The following RGS8 variants were observed in gnomAD, a reference collection of about 807,000 sequenced individuals.
RGS8 encodes regulator of G-protein signaling 8.
In RGS8, 8 loss-of-function variants were observed where a neutral mutation model predicts 21.7. That is an observed-to-expected ratio of 0.37 (90% confidence interval 0.22 to 0.66). The LOEUF is 0.66. Among genes scored for constraint, RGS8 ranks in the 30% least tolerant of loss-of-function variants. The pLI is 0.59. For synonymous variants in RGS8, 80 were observed against 83.6 expected (o/e 0.96, Z 0.24); for missense variants, 157 against 217.9 (o/e 0.72, Z 1.76).
upstream of RGS8, among the ~76,000 whole-genome samples, chr1:182,676,354 A>G (rs1361348240): frequency 6.6e-6 from 1 of 152,236 alleles, no homozygotes; most frequent in African/African-American, 2.4e-5. Flanking sequence ...TAAAACAGTC[A>G]TTTGGATATT....
At chr1:182,701,962 A>T in the RGS8 span, among the ~76,000 whole-genome samples, 1 of 152,228 alleles carries the variant, frequency 6.6e-6, no homozygotes, top group Non-Finnish European at 1.5e-5. Context: ...GCAGAGGAAA[A>T]AATAACACTT....
chr1:182,731,902 C>G, the RGS8 span, among the ~76,000 whole-genome samples: 66 of 152,304 alleles, frequency 4.3e-4, no homozygotes, highest in African/African-American at 1.5e-3. Context: ...AAGCAGATTG[C>G]TGAACAAAAG....
the RGS8 span, among the ~76,000 whole-genome samples, chr1:182,703,892 C>T: frequency 2.6e-5 from 4 of 152,200 alleles, no homozygotes; most frequent in Non-Finnish European, 4.4e-5. Context: ...TTTTATTATT[C>T]GTTTAACAAA....
chr1:182,648,348 T>C, intron 5 of RGS8, 45 bp from the exon 7 acceptor site: 1 of 1,591,100 alleles, frequency 6.3e-7, no homozygotes, highest in African/African-American at 1.3e-5. Flanking sequence ...GGAAGCAGCT[T>C]AAGTTTAAGA....
the RGS8 span, among the ~76,000 whole-genome samples, chr1:182,725,803 C>T: frequency 6.6e-6 from 1 of 152,348 alleles, no homozygotes; most frequent in East Asian, 1.9e-4. Context: ...GTGATTCAAT[C>T]AGCCAGGCTT....
At chr1:182,735,605 T>G in the RGS8 span, among the ~76,000 whole-genome samples, 1 of 152,134 alleles carries the variant, frequency 6.6e-6, no homozygotes, top group Non-Finnish European at 1.5e-5. Flanking sequence ...GAGAGGGCCC[T>G]GGTGGAAGCA....
the RGS8 span, among the ~76,000 whole-genome samples, chr1:182,724,319 G>A: frequency 1.4e-5 from 2 of 145,108 alleles, no homozygotes; most frequent in African/African-American, 5.1e-5. Flanking sequence ...AAGGAAAAAG[G>A]ACAGAAAAAA....
chr1:182,656,473 T>C (rs770562593), intron 5 of RGS8, among the ~76,000 whole-genome samples: 61 of 152,288 alleles, frequency 4.0e-4, no homozygotes, highest in Admixed American at 2.8e-3. Flanking sequence ...CCCACAAAAC[T>C]GATGGCCTGG....
At chr1:182,737,599 T>C in the RGS8 span, among the ~76,000 whole-genome samples, 1 of 152,208 alleles carries the variant, frequency 6.6e-6, no homozygotes, top group East Asian at 1.9e-4. Context: ...GCTCCTTCTT[T>C]ACCTTCCACC....
chr1:182,663,717 C>CTATTTT (rs1257498713), intron 5 of RGS8, among the ~76,000 whole-genome samples: 5 of 152,144 alleles, frequency 3.3e-5, no homozygotes, highest in Non-Finnish European at 5.9e-5. Context: ...TTAGTACAGA[C>CTATTTT]AGGGTCTCAC....
chr1:182,707,709 T>TTGTTA, the RGS8 span, among the ~76,000 whole-genome samples: 1 of 152,016 alleles, frequency 6.6e-6, no homozygotes, highest in Non-Finnish European at 1.5e-5. Flanking sequence ...TTTGTTTGTT[T>TTGTTA]TGTTTTGTTT....
At chr1:182,664,912 A>C (rs1195452384) in intron 5 of RGS8, among the ~76,000 whole-genome samples, 2 of 152,236 alleles carry the variant, frequency 1.3e-5, no homozygotes, top group Non-Finnish European at 2.9e-5. Flanking sequence ...ATCAAATTGA[A>C]AGCAAAATCA....
chr1:182,666,779 T>C (rs2102436372), intron 4 of RGS8, 93 bp downstream of exon 5: 1 of 891,496 alleles, frequency 1.1e-6, no homozygotes, highest in East Asian at 2.4e-5. Flanking sequence ...ACAGGATTTT[T>C]CCAGTGGCTC....
the RGS8 span, among the ~76,000 whole-genome samples, chr1:182,713,103 G>C: frequency 6.6e-6 from 1 of 152,194 alleles, no homozygotes; most frequent in Non-Finnish European, 1.5e-5. Flanking sequence ...TAAATCTTGG[G>C]TGGCTCACTC....
At chr1:182,741,130 G>C in the RGS8 span, among the ~76,000 whole-genome samples, 1 of 151,422 alleles carries the variant, frequency 6.6e-6, no homozygotes, top group East Asian at 2.0e-4. Context: ...AGTAGGCGCG[G>C]CCGGGCAGAG....
At chr1:182,668,601 G>A (rs1164729367) in intron 3 of RGS8, among the ~76,000 whole-genome samples, 1 of 152,136 alleles carries the variant, frequency 6.6e-6, no homozygotes, top group African/African-American at 2.4e-5. Flanking sequence ...GAGCCTCCTA[G>A]GGCTGGAACA....
the RGS8 span, among the ~76,000 whole-genome samples, chr1:182,712,048 A>G: frequency 6.6e-6 from 1 of 152,184 alleles, no homozygotes; most frequent in African/African-American, 2.4e-5. Context: ...TTACTCCCCT[A>G]CAATAACCCT....
the RGS8 span, among the ~76,000 whole-genome samples, chr1:182,746,176 C>T: frequency 6.6e-6 from 1 of 152,160 alleles, no homozygotes; most frequent in Non-Finnish European, 1.5e-5. Context: ...AAAATACTGC[C>T]ACCCCAGGTA....
At chr1:182,741,599 A>G in the RGS8 span, among the ~76,000 whole-genome samples, 6,702 of 26,842 alleles carry the variant, frequency 0.25, 620 homozygotes, top group Middle Eastern at 0.29. Flanking sequence ...CTCACCTCCC[A>G]GACGGGGCGG....
Sources: gnomAD v4.1 joint callset for allele counts (sites outside exome capture counted in the v4.1 genomes callset) on GRCh38, gnomAD v4.1.1 for gene constraint, MANE v1.5 for transcripts, NCBI Gene and HGNC (gene_info 2026-07-23, HGNC 2026-07-21) for gene names.